Variants in MAPK10 observed in about 807,000 individuals in gnomAD.
MAPK10 encodes the protein mitogen-activated protein kinase 10, also known as JNK3 alpha protein kinase.
MAPK10 carries 25 observed loss-of-function variants against 59.3 expected under a neutral mutation model. The ratio of observed to expected loss-of-function variants is 0.42; its 90% confidence interval spans 0.31 to 0.59. MAPK10 has a LOEUF of 0.59. Among genes scored for constraint, MAPK10 ranks in the 20% least tolerant of loss-of-function variants. The pLI, the probability that MAPK10 is intolerant of heterozygous loss-of-function variation, is 0.15. For missense variants in MAPK10, 351 were observed against 568.9 expected (o/e 0.62, Z 3.90); for synonymous variants, 190 against 200.5 (o/e 0.95, Z 0.44).
At chr4:86,362,448 A>T (rs2148985830), upstream of MAPK10, among the ~76,000 whole-genome samples, 1 of 152,016 alleles carries the variant, frequency 6.6e-6, no homozygotes. Context: ...CAAAATTAAA[A>T]GCTTCCACTT....
intron 4 of MAPK10, among the ~76,000 whole-genome samples, chr4:86,157,534 G>C (rs1438485953): frequency 6.6e-6 from 1 of 151,922 alleles, no homozygotes; most frequent in Non-Finnish European, 1.5e-5. Context: ...GAACATTCAA[G>C]ATATTATGTA....
intron 4 of MAPK10, chr4:86,159,007 A>C (rs1248299053): frequency 4.2e-6 from 1 of 239,318 alleles, no homozygotes; most frequent in East Asian, 8.1e-5. Context: ...ATACATTAGC[A>C]ACTGCTAGAA....
intron 1 of MAPK10, among the ~76,000 whole-genome samples, chr4:86,508,515 G>C (rs1366244082): frequency 1.3e-5 from 2 of 152,114 alleles, no homozygotes; most frequent in Non-Finnish European, 2.9e-5. Context: ...CTGTCTGTGA[G>C]GCATTCTTTT....
chr4:86,404,789 C>T (rs565853575), intron 1 of MAPK10, among the ~76,000 whole-genome samples: 2 of 152,120 alleles, frequency 1.3e-5, no homozygotes, highest in African/African-American at 2.4e-5. Flanking sequence ...GTCTTGGTTT[C>T]GAATTCTATC....
chr4:86,462,319 C>A (rs984489029), intron 1 of MAPK10, among the ~76,000 whole-genome samples: 2 of 152,126 alleles, frequency 1.3e-5, no homozygotes, highest in African/African-American at 4.8e-5. Context: ...TATCTACTTC[C>A]GTTCCCTGGA....
At chr4:86,169,495 A>G (rs999087572) in intron 3 of MAPK10, among the ~76,000 whole-genome samples, 2 of 152,180 alleles carry the variant, frequency 1.3e-5, no homozygotes, top group Admixed American at 1.3e-4. Flanking sequence ...GAAATGAAGC[A>G]AGAAGGGAAG....
upstream of MAPK10, among the ~76,000 whole-genome samples, chr4:86,456,657 G>A (rs1039183929): frequency 2.6e-5 from 4 of 151,890 alleles, no homozygotes; most frequent in East Asian, 1.9e-4. Context: ...ATATTGAAAT[G>A]GTAATAAAAA....
chr4:86,171,778 G>C (rs1009743747), intron 3 of MAPK10, among the ~76,000 whole-genome samples: 1 of 151,290 alleles, frequency 6.6e-6, no homozygotes, highest in African/African-American at 2.5e-5. Flanking sequence ...ACTACCATCA[G>C]AGTGAACAGG....
At chr4:86,481,234 A>G (rs1476727249) in intron 1 of MAPK10, among the ~76,000 whole-genome samples, 2 of 152,172 alleles carry the variant, frequency 1.3e-5, no homozygotes, top group African/African-American at 2.4e-5. Context: ...TCTAGCTTCT[A>G]TGACTTGCTT....
At chr4:86,170,437 T>C (rs1473123025) in intron 3 of MAPK10, among the ~76,000 whole-genome samples, 1 of 151,968 alleles carries the variant, frequency 6.6e-6, no homozygotes, top group African/African-American at 2.4e-5. Flanking sequence ...CAGAGACTTG[T>C]TGGATTTGTT....
chr4:86,448,981 C>T (rs1750382987), intron 1 of MAPK10, among the ~76,000 whole-genome samples: 1 of 152,100 alleles, frequency 6.6e-6, no homozygotes, highest in Non-Finnish European at 1.5e-5. Context: ...AGGGTTCCTG[C>T]TTCTGAGAAT....
intron 3 of MAPK10, among the ~76,000 whole-genome samples, chr4:86,172,663 G>A (rs369002412): frequency 0.086 from 12,882 of 149,886 alleles, 1,138 homozygotes; most frequent in African/African-American, 0.23. Context: ...AGCATGGCAC[G>A]TGTATACATA....
rs542590404 is a variant in MAPK10 at position 86,283,980 on chromosome 4, T to G, written c.-7+70550A>C. On this transcript the variant is annotated intron_variant, in intron 2 of 13. Coordinates refer to ENST00000641462, the MANE Select transcript of MAPK10 (RefSeq NM_138982.4). ...AGTTTTACAATCTAGGTTAGCATAT[T>G]AAAGGTTATGAGAAGCCGCATAATA... is the stretch of plus-strand genomic sequence containing the variant. Among the ~76,000 whole-genome samples the G allele has an allele frequency of 9.9e-5, 15 of 152,280 alleles. No individual in the cohort carries two copies. In the South Asian group the frequency reaches 3.1e-3, roughly 32 times the overall value.
At chr4:86,092,349 GCT>G (rs2053403140) in intron 9 of MAPK10, among the ~76,000 whole-genome samples, 2 of 152,038 alleles carry the variant, frequency 1.3e-5, no homozygotes, top group South Asian at 4.1e-4. Flanking sequence ...GAAATGATAA[GCT>G]CTGTTATCTT....
intron 2 of MAPK10, among the ~76,000 whole-genome samples, chr4:86,304,444 T>G (rs943944192): frequency 8.8e-5 from 13 of 147,774 alleles, no homozygotes; most frequent in Middle Eastern, 3.6e-3. Context: ...CCAGGCCGGA[T>G]TGCAGTGGCG....
intron 1 of MAPK10, among the ~76,000 whole-genome samples, chr4:86,427,116 G>C (rs1026898603): frequency 6.6e-6 from 1 of 151,934 alleles, no homozygotes; most frequent in Non-Finnish European, 1.5e-5. Context: ...AATTAGCCGG[G>C]TGTGGTGGCA....
At chr4:86,294,533 G>GA (rs776807363) in intron 2 of MAPK10, among the ~76,000 whole-genome samples, 17,464 of 130,660 alleles carry the variant, frequency 0.13, 1,071 homozygotes, top group Middle Eastern at 0.18. Context: ...CTGTGAAAAA[G>GA]AAAAAAAAAA....
chr4:86,391,750 T>A (rs886186686), intron 1 of MAPK10, among the ~76,000 whole-genome samples: 9 of 152,156 alleles, frequency 5.9e-5, no homozygotes, highest in Non-Finnish European at 1.3e-4. Context: ...GGAGGTTGGA[T>A]CCTGCAGAGA....
intron 1 of MAPK10, among the ~76,000 whole-genome samples, chr4:86,579,732 A>G (rs963539462): frequency 6.6e-6 from 1 of 152,218 alleles, no homozygotes; most frequent in African/African-American, 2.4e-5. Context: ...CATAATAATT[A>G]CTGGACAATT....
Sources: allele counts gnomAD v4.1 joint callset (sites outside exome capture counted in the v4.1 genomes callset), GRCh38; gene constraint gnomAD v4.1.1; transcripts MANE v1.5; gene names NCBI Gene and HGNC (gene_info 2026-07-23, HGNC 2026-07-21).